SMARCB1: variants seen among roughly 807,000 people sequenced by gnomAD.
SMARCB1 encodes the protein SWI/SNF related BAF chromatin remodeling complex subunit B1, also known as SWI/SNF-related matrix-associated actin-dependent regulator of chromatin subfamily B member 1.
SMARCB1 carries 5 observed loss-of-function variants against 49.0 expected under a neutral mutation model. The observed-to-expected ratio is 0.10, with a 90% confidence interval of 0.05 to 0.21. The LOEUF (loss-of-function observed/expected upper bound fraction) is 0.21. SMARCB1 is among the 10% of genes least tolerant of loss of function. The pLI is 1.00. For synonymous variants in SMARCB1, 201 were observed against 200.1 expected, an observed-to-expected ratio of 1.00 and a Z score of -0.04; for missense variants, 226 against 509.2, an observed-to-expected ratio of 0.44 and a Z score of 5.35.
At position 23,791,831 on chromosome 22, in the gene SMARCB1, G is replaced by A. The variant is rs922052006; in HGVS notation, c.169G>A (p.Val57Met). The change falls in exon 2 of 9, where the codon GTG becomes ATG. Residue 57 changes from valine (V) to methionine (M), a missense_variant. Physicochemically the swap from Val to Met is conservative, Grantham distance 21. Transcript: ENST00000644036. ...CTCACTCTGGAGGCGACTAGCCACT[G>A]TGGAAGAGAGGAAGAAAATAGTTGC... ...YPSLWRRLATVEERKKIVASS... is the reference protein window; with the variant it reads ...YPSLWRRLATMEERKKIVASS... The A allele has an allele frequency of 3.3e-5, 54 of 1,613,898 alleles. No individual in the cohort carries two copies. The highest frequency in any genetic ancestry group is 4.2e-5 in the Non-Finnish European group (50 of 1,179,748).
Position 23,787,186 on chromosome 22 carries a change from T to A in SMARCB1, c.17T>A (p.Leu6Gln). 1 of 1,608,128 alleles carries A rather than the reference T, an allele frequency of 6.2e-7. No homozygotes were observed. Among genetic ancestry groups the A allele is most frequent in the Non-Finnish European group, 8.5e-7 (1 of 1,176,704 alleles). MMMMA[L>Q]SKTFGQKPVK... is the part of the protein sequence containing the mutation. Reference sequence around the variant, plus strand: ...GCCGCCGCAATGATGATGATGGCGCTGAGCAAGACCTTCGGGCAGAAGCCC... The same window carrying A: ...GCCGCCGCAATGATGATGATGGCGCAGAGCAAGACCTTCGGGCAGAAGCCC... Residue 6 changes from leucine to glutamine, a missense_variant, in exon 1 of 9, where the codon CTG becomes CAG. Transcript: ENST00000644036.
chr22:23,789,152 A>G (rs143513660), intron 1 of SMARCB1, among the ~76,000 whole-genome samples: 3 of 152,274 alleles, frequency 2.0e-5, no homozygotes, highest in Admixed American at 2.0e-4. Context: ...CCTGGCCTCC[A>G]CTAATTTTTA....
intron 7 of SMARCB1, among the ~76,000 whole-genome samples, chr22:23,831,920 T>C (rs1235673913): frequency 6.6e-6 from 1 of 152,134 alleles, no homozygotes; most frequent in Non-Finnish European, 1.5e-5. Flanking sequence ...GGTGCCGACA[T>C]TGCCTCTGGC....
intron 3 of SMARCB1, among the ~76,000 whole-genome samples, chr22:23,796,440 T>C (rs539765669): frequency 6.6e-6 from 1 of 152,310 alleles, no homozygotes; most frequent in South Asian, 2.1e-4. Context: ...ATCTACCTTG[T>C]GCATTCAGCT....
chr22:23,802,146 TC>T (rs535688427), intron 4 of SMARCB1: 4 of 152,972 alleles, frequency 2.6e-5, no homozygotes, highest in African/African-American at 9.6e-5. Flanking sequence ...TCCAGGCAGA[TC>T]ATGTCACCTC....
At chr22:23,806,623 C>T (rs753626856) in intron 5 of SMARCB1, among the ~76,000 whole-genome samples, 1 of 152,122 alleles carries the variant, frequency 6.6e-6, no homozygotes, top group Non-Finnish European at 1.5e-5. Context: ...GTTCAGCCCA[C>T]CTTCAGAATC....
intron 4 of SMARCB1, 104 bp downstream of exon 4, chr22:23,801,185 T>A (rs1281478564): frequency 1.3e-6 from 2 of 1,536,300 alleles, no homozygotes; most frequent in Non-Finnish European, 1.8e-6. Flanking sequence ...TTTGACCTTG[T>A]GCTCCCCACA....
At chr22:23,820,172 G>C (rs74511135) in intron 6 of SMARCB1, among the ~76,000 whole-genome samples, 7 of 152,062 alleles carry the variant, frequency 4.6e-5, no homozygotes. Flanking sequence ...TTCATAAGGG[G>C]TGTAGGTCTG....
At chr22:23,797,650 C>A (rs1928861648) in intron 3 of SMARCB1, among the ~76,000 whole-genome samples, 2 of 100,274 alleles carry the variant, frequency 2.0e-5, no homozygotes, top group South Asian at 7.3e-4. Context: ...TCGAGTTTCG[C>A]TCTGTCACCC....
At chr22:23,816,587 G>T (rs1930208378) in intron 5 of SMARCB1, 183 bp from the exon 6 acceptor site, 1 of 681,538 alleles carries the variant, frequency 1.5e-6, no homozygotes, top group African/African-American at 1.7e-5. Flanking sequence ...TGAGGGCTGG[G>T]GGCCTGCTAG....
intron 5 of SMARCB1, chr22:23,816,385 C>G: frequency 2.6e-6 from 1 of 387,740 alleles, no homozygotes; most frequent in African/African-American, 2.0e-5. Context: ...TGTGCCATCA[C>G]GTCTGCCACC....
At chr22:23,805,319 T>C (rs1929429313) in intron 5 of SMARCB1, among the ~76,000 whole-genome samples, 1 of 152,168 alleles carries the variant, frequency 6.6e-6, no homozygotes, top group South Asian at 2.1e-4. Flanking sequence ...TACAGTTCAC[T>C]GGTCATGCCC....
chr22:23,828,084 G>A (rs150719949), intron 7 of SMARCB1, among the ~76,000 whole-genome samples: 5,570 of 152,180 alleles, frequency 0.037, 287 homozygotes, highest in African/African-American at 0.11. Flanking sequence ...ATGGGGTCTC[G>A]CTCTGTCGCC....
intron 5 of SMARCB1, chr22:23,816,497 C>T (rs1930203265): frequency 1.7e-6 from 1 of 589,572 alleles, no homozygotes; most frequent in Admixed American, 3.0e-5. Context: ...CTCATGCGCC[C>T]ACCCAGCTAT....
chr22:23,803,747 A>ACAC, intron 5 of SMARCB1: 1 of 409,702 alleles, frequency 2.4e-6, no homozygotes, highest in Non-Finnish European at 4.6e-6. Flanking sequence ...AGCCCTGCAC[A>ACAC]CACCTGCCTT....
rs1344595372 is a variant in SMARCB1 at position 23,834,337 on chromosome 22, C to T, written c.*157C>T. On this transcript the variant is annotated 3_prime_UTR_variant, in exon 9 of 9. Coordinates refer to ENST00000644036, the MANE Select transcript of SMARCB1 (RefSeq NM_003073.5). ...GGCTTCCAGGTGGCCCTTCCCGGCA[C>T]ACATTCCATTTGTTGAGCCCCAGTC... The T allele has an allele frequency of 1.4e-5, 11 of 792,224 alleles. No homozygotes were observed. The highest frequency in any genetic ancestry group is 8.0e-5 in the East Asian group (3 of 37,506). 49.1% of individuals were successfully genotyped at this position (792,224 alleles called of 1,614,324 possible). A position where few individuals can be genotyped will look rare whatever the true frequency, so the allele number is the denominator to read the frequency against.
chr22:23,829,645 C>T (rs1348615506), intron 7 of SMARCB1, among the ~76,000 whole-genome samples: 2 of 152,218 alleles, frequency 1.3e-5, no homozygotes, highest in East Asian at 3.8e-4. Flanking sequence ...GGCCTGATGT[C>T]AGGTTTTGTT....
chr22:23,802,942 T>G, intron 4 of SMARCB1: 1 of 386,394 alleles, frequency 2.6e-6, no homozygotes, highest in Non-Finnish European at 5.0e-6. Flanking sequence ...CTTGCTAGAA[T>G]ATTTCCTCTT....
At chr22:23,805,196 G>A (rs560712690) in intron 5 of SMARCB1, among the ~76,000 whole-genome samples, 10 of 152,322 alleles carry the variant, frequency 6.6e-5, no homozygotes, top group Non-Finnish European at 1.0e-4. Flanking sequence ...TGCTTGTCCC[G>A]TAGGTCCCAC....
Sources: allele counts gnomAD v4.1 joint callset (sites outside exome capture counted in the v4.1 genomes callset), GRCh38; gene constraint gnomAD v4.1.1; transcripts MANE v1.5; gene names NCBI Gene and HGNC (gene_info 2026-07-23, HGNC 2026-07-21).